RAB11FIP4: variants seen among roughly 807,000 people sequenced by gnomAD.
The protein encoded by RAB11FIP4 is rab11 family-interacting protein 4.
Under a neutral mutation model 74.3 loss-of-function variants are expected in RAB11FIP4, and 23 were observed. The ratio of observed to expected loss-of-function variants is 0.31; its 90% CI spans 0.22 to 0.44. RAB11FIP4 has a LOEUF of 0.44. RAB11FIP4 is among the 20% of genes least tolerant of loss of function. The pLI is 1.00. For missense variants in RAB11FIP4, 630 were observed against 863.9 expected (o/e 0.73, Z 3.39); for synonymous variants, 360 against 359.9 (o/e 1.00, Z 0.00).
intron 3 of RAB11FIP4, among the ~76,000 whole-genome samples, chr17:31,444,847 G>T (rs1228066908): frequency 6.6e-6 from 1 of 152,102 alleles, no homozygotes; most frequent in Non-Finnish European, 1.5e-5. Flanking sequence ...TGATTACATA[G>T]ACTTTGATCC....
At chr17:31,400,429 G>C (rs886441161) in intron 1 of RAB11FIP4, among the ~76,000 whole-genome samples, 2 of 152,178 alleles carry the variant, frequency 1.3e-5, no homozygotes, top group Admixed American at 1.3e-4. Context: ...TCCCTGCAGG[G>C]GCTTTGGCTT....
In RAB11FIP4 at chr17:31,537,571, C is replaced by T. The variant is rs61462778; in HGVS notation, c.*5839C>T. On this transcript the variant is annotated 3_prime_UTR_variant, in exon 15 of 15. Coordinates refer to ENST00000621161, the MANE Select transcript of RAB11FIP4 (RefSeq NM_032932.6). ...GGCCCCAGCAGGGATATCATGGGAC[C>T]GCAGCCGCTCCGTGCACTGTCTCTG... is the stretch of plus-strand genomic sequence containing the variant. The T allele has an allele frequency of 0.033, 6,062 of 182,584 alleles. 363 individuals carry two copies. The highest frequency in any genetic ancestry group is 0.13 in the African/African-American group (5,516 of 42,900). The allele number at this position is 182,584 out of a possible 1,614,324, so 11.3% of individuals were successfully genotyped here. A position where few individuals can be genotyped will look rare whatever the true frequency, so the allele number is the denominator to read the frequency against.
At position 31,446,892 on chromosome 17, in the gene RAB11FIP4, G is replaced by A. The variant is rs190899514; in HGVS notation, c.336+12770G>A. Among the ~76,000 whole-genome samples the A allele has an allele frequency of 1.7e-4, 26 of 152,308 alleles. No individual in the cohort carries two copies. The East Asian group carries it at 3.3e-3, about 19-fold the overall frequency. The stretch of plus-strand genomic sequence containing the variant: ...TATTTTGAAGATAAGAAAGAAGCCT[G>A]TAATCCCAGCACTTTGAGAGGCCCA... On this transcript the variant is annotated intron_variant, in intron 3 of 14. Coordinates refer to ENST00000621161, the MANE Select transcript of RAB11FIP4 (RefSeq NM_032932.6).
intron 3 of RAB11FIP4, among the ~76,000 whole-genome samples, chr17:31,490,006 T>C (rs903190185): frequency 2.0e-5 from 3 of 151,944 alleles, no homozygotes; most frequent in Non-Finnish European, 2.9e-5. Context: ...GAGCCTGCCC[T>C]CGGAAGGGAC....
At chr17:31,524,816 T>A in intron 9 of RAB11FIP4, 1 of 535,020 alleles carries the variant, frequency 1.9e-6, no homozygotes, top group Non-Finnish European at 3.3e-6. Context: ...CGGCCAGGTG[T>A]GGCTGCAGGG....
intron 1 of RAB11FIP4, among the ~76,000 whole-genome samples, chr17:31,412,013 C>T (rs866850959): frequency 3.9e-5 from 6 of 152,228 alleles, no homozygotes; most frequent in African/African-American, 1.4e-4. Flanking sequence ...GTGAGGTTCA[C>T]TTGTTCTGTT....
intron 3 of RAB11FIP4, among the ~76,000 whole-genome samples, chr17:31,476,950 G>A (rs1480906785): frequency 2.0e-5 from 3 of 152,220 alleles, no homozygotes; most frequent in Non-Finnish European, 2.9e-5. Flanking sequence ...CAGCCCATCC[G>A]GTCTGCTGTG....
At chr17:31,522,698 T>C in intron 7 of RAB11FIP4, 1 of 459,666 alleles carries the variant, frequency 2.2e-6, no homozygotes, top group Non-Finnish European at 3.9e-6. Context: ...TTCAGTGCCC[T>C]TCCTGCCTCT....
At chr17:31,425,077 C>G (rs986820016) in intron 1 of RAB11FIP4, among the ~76,000 whole-genome samples, 2 of 152,154 alleles carry the variant, frequency 1.3e-5, no homozygotes, top group Non-Finnish European at 2.9e-5. Context: ...AGTCTGGAAC[C>G]AGGCCTCTTG....
intron 3 of RAB11FIP4, among the ~76,000 whole-genome samples, chr17:31,447,863 C>T (rs977586033): frequency 4.6e-5 from 7 of 151,782 alleles, no homozygotes; most frequent in Non-Finnish European, 7.4e-5. Context: ...CTCTAGCACC[C>T]GGGTTGGAGT....
At position 31,535,003 on chromosome 17, in the gene RAB11FIP4, G is replaced by A. The variant is rs1280307290; in HGVS notation, c.*3271G>A. 1 of 153,996 alleles carries A rather than the reference G, an allele frequency of 6.5e-6. No individual in the cohort carries two copies. The highest frequency in any genetic ancestry group is 1.5e-5 in the Non-Finnish European group (1 of 68,176). The allele number at this position is 153,996 out of a possible 1,614,324, so 9.5% of individuals were successfully genotyped here. On this transcript the variant is annotated 3_prime_UTR_variant, in exon 15 of 15. Coordinates refer to ENST00000621161, the MANE Select transcript of RAB11FIP4 (RefSeq NM_032932.6). Reference sequence around the variant, plus strand: ...GCTTTAAGAAACTTCTAGTAAAAATGTTTTTTTCTTTTAGCTTTGAATTGG... The same window carrying A: ...GCTTTAAGAAACTTCTAGTAAAAATATTTTTTTCTTTTAGCTTTGAATTGG...
chr17:31,462,056 G>C (rs1017016802), intron 3 of RAB11FIP4, among the ~76,000 whole-genome samples: 8 of 152,124 alleles, frequency 5.3e-5, no homozygotes, highest in Non-Finnish European at 1.0e-4. Context: ...GAGGTCAGGA[G>C]TTCGAGACCA....
rs376639705 is a variant in RAB11FIP4, at chr17:31,464,099, C to T, written c.336+29977C>T. 2.4e-4 allele frequency among the ~76,000 whole-genome samples: 36 copies of T among 152,196 alleles called. No individual in the cohort carries two copies. In the South Asian group the frequency reaches 7.5e-3, roughly 32 times the overall value. ...AAAGTGCTAGGATTATAGGCGTGAG[C>T]CGCCGGGCCCAGCCTCTTCTCCCCA... On this transcript the variant is annotated intron_variant, in intron 3 of 14. Coordinates refer to ENST00000621161, the MANE Select transcript of RAB11FIP4 (RefSeq NM_032932.6).
chr17:31,499,753 A>G (rs8064536), intron 3 of RAB11FIP4, among the ~76,000 whole-genome samples: 4,325 of 152,242 alleles, frequency 0.028, 188 homozygotes, highest in African/African-American at 0.099. Flanking sequence ...TAGGCGCCCT[A>G]GTATGTCAAC....
At chr17:31,508,452 GC>G (rs1459655231) in intron 3 of RAB11FIP4, among the ~76,000 whole-genome samples, 1 of 152,142 alleles carries the variant, frequency 6.6e-6, no homozygotes. Context: ...CTGTCTGTCA[GC>G]AGGCTTCTGG....
intron 3 of RAB11FIP4, among the ~76,000 whole-genome samples, chr17:31,502,101 G>A (rs1477429342): frequency 6.6e-6 from 1 of 152,028 alleles, no homozygotes. Context: ...GTGGGCACCT[G>A]TAATCCCAGC....
chr17:31,489,415 G>A (rs1311020091), intron 3 of RAB11FIP4, among the ~76,000 whole-genome samples: 1 of 151,936 alleles, frequency 6.6e-6, no homozygotes, highest in African/African-American at 2.4e-5. Flanking sequence ...CAATGGGAGC[G>A]CTCTCACTCC....
intron 3 of RAB11FIP4, among the ~76,000 whole-genome samples, chr17:31,481,771 G>A (rs1482869811): frequency 3.3e-5 from 5 of 152,024 alleles, no homozygotes; most frequent in East Asian, 1.9e-4. Flanking sequence ...TCCCCCTTTC[G>A]TTGAGCTTGA....
intron 14 of RAB11FIP4, chr17:31,531,278 G>A (rs958652322): frequency 1.8e-5 from 4 of 225,686 alleles, no homozygotes; most frequent in South Asian, 7.7e-5. Context: ...GAGTCTTAGC[G>A]GCCCTGGGAC....
Sources: gnomAD v4.1 joint callset for allele counts (sites outside exome capture counted in the v4.1 genomes callset) on GRCh38, gnomAD v4.1.1 for gene constraint, MANE v1.5 for transcripts, NCBI Gene and HGNC (gene_info 2026-07-23, HGNC 2026-07-21) for gene names.